SLA2: variants seen among roughly 807,000 people sequenced by gnomAD.
SLA2 encodes src-like-adapter 2.
In SLA2, 22 loss-of-function variants were observed where a neutral mutation model predicts 27.3. The observed-to-expected ratio is 0.81, with a 90% CI of 0.58 to 1.15. SLA2 has a LOEUF of 1.15. Ranked by LOEUF, SLA2 falls within the 50% of genes most tolerant of loss-of-function variation. The pLI is 0.00. For missense variants in SLA2, 304 were observed against 322.2 expected (o/e 0.94, Z 0.43); for synonymous variants, 131 against 137.8 (o/e 0.95, Z 0.34).
At chr20:36,641,033 C>A (rs1289893147) in intron 2 of SLA2, among the ~76,000 whole-genome samples, 1 of 152,172 alleles carries the variant, frequency 6.6e-6, no homozygotes, top group African/African-American at 2.4e-5. Flanking sequence ...CCTGTTTTCT[C>A]ATTTATGCCA....
chr20:36,644,266 C>T (rs1301842004), intron 1 of SLA2, among the ~76,000 whole-genome samples: 1 of 152,036 alleles, frequency 6.6e-6, no homozygotes, highest in East Asian at 1.9e-4. Context: ...ACCAGGAAAC[C>T]CCAGGGAGAG....
intron 2 of SLA2, among the ~76,000 whole-genome samples, chr20:36,636,940 G>C (rs1169422023): frequency 6.6e-6 from 1 of 151,706 alleles, no homozygotes; most frequent in Admixed American, 6.6e-5. Context: ...AACACAGCAA[G>C]ATTCCGTCCC....
In SLA2 at chr20:36,613,671, A is replaced by G; in HGVS notation, c.*195T>C. On this transcript the variant is annotated 3_prime_UTR_variant, in exon 8 of 8. Coordinates refer to ENST00000262866, the MANE Select transcript of SLA2 (RefSeq NM_032214.4). ...CGCACTAGAGGTCGCAGGTGGGATC[A>G]TGGCACTGGAAGGAAGTAGGTGACT... is the stretch of plus-strand genomic sequence containing the variant. The G allele has an allele frequency of 1.7e-6, 1 of 594,152 alleles. No individual in the cohort carries two copies. Among genetic ancestry groups the G allele is most frequent in the East Asian group, 3.1e-5 (1 of 32,250 alleles). The allele number at this position is 594,152 out of a possible 1,614,324, so 36.8% of individuals were successfully genotyped here. A position where few individuals can be genotyped will look rare whatever the true frequency, so the allele number is the denominator to read the frequency against.
At chr20:36,640,758 C>T (rs1437275230) in intron 2 of SLA2, among the ~76,000 whole-genome samples, 1 of 152,154 alleles carries the variant, frequency 6.6e-6, no homozygotes, top group Non-Finnish European at 1.5e-5. Flanking sequence ...CTCAGGTTAT[C>T]TGCCCGCCTT....
Position 36,612,525 on chromosome 20 carries a change from C to G in SLA2, c.*1341G>C, listed in dbSNP as rs7870. 4,732 of 408,964 alleles carry G rather than the reference C, an allele frequency of 0.012. 196 individuals are homozygous for G. Among genetic ancestry groups the G allele is most frequent in the African/African-American group, 0.087 (4,333 of 49,832 alleles). The allele number at this position is 408,964 out of a possible 1,614,324, so 25.3% of individuals were successfully genotyped here. A position where few individuals can be genotyped will look rare whatever the true frequency, so the allele number is the denominator to read the frequency against. On this transcript the variant is annotated 3_prime_UTR_variant, in exon 8 of 8. Transcript: ENST00000262866. ...GAGTTTCCATTGTAGAATGTTTTCA[C>G]ATACTTGAATAAATCAAATCTTTAA...
At position 36,633,594 on chromosome 20, in the gene SLA2, G is replaced by C. The variant is rs1472927741; in HGVS notation, c.227C>G (p.Ser76Ter). The change falls in exon 4 of 8, where the codon TCA becomes TGA. Residue 76 changes from serine (S) to a stop codon, truncating the protein, a stop_gained. Coordinates refer to ENST00000262866, the MANE Select transcript of SLA2 (RefSeq NM_032214.4). LOFTEE classifies it high-confidence loss of function. Reference sequence around the variant, plus strand: ...GCTGGGGATGTTATACTCTCTGCCTGAGACTTCAGACAGCACCGTCCACCA... The same window carrying C: ...GCTGGGGATGTTATACTCTCTGCCTCAGACTTCAGACAGCACCGTCCACCA... ...GDWWTVLSEVSGREYNIPSVH... is the reference protein window; with the variant it reads ...GDWWTVLSEV 6.2e-7 allele frequency: 1 copy of C among 1,614,014 alleles called. No homozygotes were observed. The highest frequency in any genetic ancestry group is 8.5e-7 in the Non-Finnish European group (1 of 1,180,004).
Position 36,614,383 on chromosome 20 carries a change from G to C in SLA2, c.587C>G (p.Ala196Gly). 6.2e-7 allele frequency: 1 copy of C among 1,614,020 alleles called. No individual in the cohort carries two copies. The part of the protein sequence containing the change: ...LLKEPCVLQR[A>G]GPLPGKDIPL... The stretch of plus-strand genomic sequence containing the variant: ...TATATCCTTGCCAGGGAGCGGGCCA[G>C]CCCTCTGCAGGACACAGGGCTCCTT... Residue 196 changes from alanine (A) to glycine (G), a missense_variant, in exon 7 of 8, where the codon GCT (alanine) becomes GGT (glycine). Physicochemically the swap from Ala to Gly is moderately conservative, Grantham distance 60. Coordinates refer to ENST00000262866, the MANE Select transcript of SLA2 (RefSeq NM_032214.4).
intron 2 of SLA2, among the ~76,000 whole-genome samples, chr20:36,635,902 G>A (rs1214043997): frequency 6.6e-6 from 1 of 152,138 alleles, no homozygotes; most frequent in African/African-American, 2.4e-5. Context: ...CAACTGAAAT[G>A]TCCCTTCTTT....
chr20:36,618,688 C>T (rs6016047), intron 5 of SLA2, among the ~76,000 whole-genome samples: 210 of 151,262 alleles, frequency 1.4e-3, no homozygotes, highest in African/African-American at 4.6e-3. Context: ...GTTGGATCAC[C>T]TGAGGTCAGG....
At position 36,613,625 on chromosome 20, in the gene SLA2, T is replaced by G. The variant is rs1285659949; in HGVS notation, c.*241A>C. 4 of 430,612 alleles carry G rather than the reference T, an allele frequency of 9.3e-6. No homozygotes were observed. Among genetic ancestry groups the G allele is most frequent in the African/African-American group, 8.2e-5 (4 of 48,978 alleles). 26.7% of individuals were successfully genotyped at this position (430,612 alleles called of 1,614,324 possible). ...TATTCTCTTTTTGGAACCCTGGCCC[T>G]GGTCCCACCTTCTCTGCACTCGCAC... On this transcript the variant is annotated 3_prime_UTR_variant, in exon 8 of 8. Transcript: ENST00000262866.
intron 2 of SLA2, among the ~76,000 whole-genome samples, chr20:36,637,489 C>A (rs1200176199): frequency 2.0e-5 from 3 of 152,030 alleles, no homozygotes; most frequent in Admixed American, 6.6e-5. Flanking sequence ...GCCACTGCAC[C>A]CAGCCTACCT....
chr20:36,627,662 C>A (rs148580715), intron 5 of SLA2, among the ~76,000 whole-genome samples: 1 of 152,228 alleles, frequency 6.6e-6, no homozygotes, highest in Non-Finnish European at 1.5e-5. Flanking sequence ...TGTCCCTAAC[C>A]CTGTGCTGAC....
intron 5 of SLA2, among the ~76,000 whole-genome samples, chr20:36,631,871 T>C (rs891730792): frequency 6.6e-6 from 1 of 152,208 alleles, no homozygotes; most frequent in African/African-American, 2.4e-5. Context: ...CTCTGACTGG[T>C]GCTGCATGAT....
At chr20:36,639,501 T>C (rs1309245242) in intron 2 of SLA2, among the ~76,000 whole-genome samples, 1 of 151,954 alleles carries the variant, frequency 6.6e-6, no homozygotes, top group Non-Finnish European at 1.5e-5. Flanking sequence ...GAGAAAGGAT[T>C]TGTGGTCTGT....
chr20:36,645,711 T>TC (rs1978287548), intron 1 of SLA2, 126 bp downstream of exon 1: 1 of 151,948 alleles, frequency 6.6e-6, no homozygotes, highest in African/African-American at 2.4e-5. Context: ...GTAGAACCAC[T>TC]CCCCCTTCTC....
intron 5 of SLA2, among the ~76,000 whole-genome samples, chr20:36,619,177 C>G (rs113134844): frequency 1.4e-5 from 2 of 140,844 alleles, no homozygotes; most frequent in South Asian, 2.2e-4. Flanking sequence ...GCTGAGATCA[C>G]GCCACTGCAC....
intron 5 of SLA2, among the ~76,000 whole-genome samples, chr20:36,622,328 C>T (rs571018685): frequency 5.8e-4 from 87 of 149,684 alleles, no homozygotes; most frequent in African/African-American, 2.1e-3. Flanking sequence ...GGTGACTCAG[C>T]CTGGGCAACA....
In SLA2 at chr20:36,621,295, G is replaced by A. The variant is rs2039279570; in HGVS notation, c.383-5921C>T. 5.1e-5 allele frequency: 31 copies of A among 603,868 alleles called. 1 individual carries two copies. The highest frequency in any genetic ancestry group is 4.3e-4 in the South Asian group (31 of 72,096). 37.4% of individuals were successfully genotyped at this position (603,868 alleles called of 1,614,324 possible). On this transcript the variant is annotated intron_variant, in intron 5 of 7. Coordinates refer to ENST00000262866, the MANE Select transcript of SLA2 (RefSeq NM_032214.4). Reference sequence around the variant, plus strand: ...CTATAATGATTTTAGCAATTATAGTGGACAACAGCAATCAAATTATGGACC... The same window carrying A: ...CTATAATGATTTTAGCAATTATAGTAGACAACAGCAATCAAATTATGGACC...
chr20:36,638,998 C>G (rs2039480115), intron 2 of SLA2, among the ~76,000 whole-genome samples: 1 of 152,128 alleles, frequency 6.6e-6, no homozygotes, highest in African/African-American at 2.4e-5. Context: ...AGGCGTGCGC[C>G]ACCATGCTCG....
Sources: allele counts gnomAD v4.1 joint callset (sites outside exome capture counted in the v4.1 genomes callset), GRCh38; gene constraint gnomAD v4.1.1; transcripts MANE v1.5; gene names NCBI Gene and HGNC (gene_info 2026-07-23, HGNC 2026-07-21).